The following DMD variants were observed in gnomAD, a reference collection of about 807,000 sequenced individuals.
DMD encodes mutant dystrophin.
Under a neutral mutation model 330.1 loss-of-function variants are expected in DMD, and 63 were observed. That is an observed-to-expected ratio of 0.19 (90% CI 0.16 to 0.24). The LOEUF is 0.24. Ranked by LOEUF, DMD falls within the 10% of genes least tolerant of loss-of-function variation. The pLI is 1.00. For missense variants in DMD, 3,344 were observed against 2,684.1 expected, an observed-to-expected ratio of 1.25 and a Z score of -5.43; for synonymous variants, 1,223 against 959.8, an observed-to-expected ratio of 1.27 and a Z score of -5.07.
At chrX:32,953,454 T>A (rs58160249) in intron 2 of DMD, among the ~76,000 whole-genome samples, 7,533 of 111,937 alleles carry the variant, frequency 0.067, 392 homozygotes, top group African/African-American at 0.18. Flanking sequence ...AAAAAAATGA[T>A]AAATATTAAA....
At chrX:32,199,574 A>C (rs1358860854) in intron 44 of DMD, among the ~76,000 whole-genome samples, 1 of 76,844 alleles carries the variant, frequency 1.3e-5, no homozygotes, top group Non-Finnish European at 2.7e-5. Flanking sequence ...GTGAAGGAGG[A>C]GGGGTGTGAG....
At chrX:32,884,881 C>A (rs1347524915) in intron 2 of DMD, among the ~76,000 whole-genome samples, 1 of 111,874 alleles carries the variant, frequency 8.9e-6, no homozygotes, top group African/African-American at 3.2e-5. Context: ...AACTTTATCT[C>A]CAGCTTAATG....
intron 44 of DMD, among the ~76,000 whole-genome samples, chrX:32,090,574 C>T (rs1383084090): frequency 9.0e-6 from 1 of 111,548 alleles, no homozygotes; most frequent in Non-Finnish European, 1.9e-5. Flanking sequence ...AAAGACATCT[C>T]ATTCCTTGCT....
chrX:31,838,063 T>C (rs1028112090), intron 48 of DMD, among the ~76,000 whole-genome samples: 1 of 111,782 alleles, frequency 8.9e-6, no homozygotes, highest in African/African-American at 3.3e-5. Context: ...GAAAACACAT[T>C]GTTCCCTGAA....
intron 17 of DMD, among the ~76,000 whole-genome samples, chrX:32,518,875 G>T (rs2046130680): frequency 9.1e-6 from 1 of 110,063 alleles, no homozygotes; most frequent in African/African-American, 3.3e-5. Flanking sequence ...TACCCAAAGG[G>T]CACTGCCTAC....
At chrX:31,548,065 G>A (rs2074253309) in intron 55 of DMD, among the ~76,000 whole-genome samples, 1 of 111,798 alleles carries the variant, frequency 8.9e-6, no homozygotes, top group Non-Finnish European at 1.9e-5. Context: ...AGAAGTTCAG[G>A]GATTTTTGCA....
intron 59 of DMD, among the ~76,000 whole-genome samples, chrX:31,465,616 T>C (rs907417917): frequency 1.8e-5 from 2 of 111,805 alleles, no homozygotes; most frequent in Non-Finnish European, 3.8e-5. Context: ...TGATGAGCAT[T>C]TGGGTTGGTT....
chrX:32,452,999 T>C (rs1366388501), intron 26 of DMD, among the ~76,000 whole-genome samples: 1 of 111,040 alleles, frequency 9.0e-6, no homozygotes, highest in Admixed American at 9.6e-5. Flanking sequence ...CTTTTCCTTA[T>C]GATTCAGTTC....
chrX:31,400,226 G>A (rs953417520), intron 60 of DMD, among the ~76,000 whole-genome samples: 5 of 111,487 alleles, frequency 4.5e-5, no homozygotes, highest in African/African-American at 1.6e-4. Flanking sequence ...TCATCCCTCT[G>A]CTCACTGAGA....
chrX:32,577,002 T>A (rs1741427773), intron 13 of DMD, among the ~76,000 whole-genome samples: 2 of 111,720 alleles, frequency 1.8e-5, no homozygotes, highest in African/African-American at 6.5e-5. Context: ...GGCTCAATTG[T>A]GTCCCATGAA....
intron 44 of DMD, among the ~76,000 whole-genome samples, chrX:32,011,075 C>T (rs2095704589): frequency 8.9e-6 from 1 of 112,411 alleles, no homozygotes; most frequent in Admixed American, 9.4e-5. Flanking sequence ...ATCCGTTACA[C>T]TAATCCACAC....
At chrX:31,438,711 G>A (rs2064719525) in intron 60 of DMD, among the ~76,000 whole-genome samples, 1 of 111,024 alleles carries the variant, frequency 9.0e-6, no homozygotes, top group African/African-American at 3.3e-5. Context: ...AAGAGCAGAT[G>A]GCTAGGCTCT....
intron 11 of DMD, among the ~76,000 whole-genome samples, chrX:32,642,338 C>A (rs967481298): frequency 5.3e-5 from 6 of 112,329 alleles, no homozygotes; most frequent in Non-Finnish European, 7.5e-5. Context: ...AAAAGCTATA[C>A]CAGCTAGAAG....
chrX:32,600,623 C>CACAA (rs1179272303), intron 12 of DMD, among the ~76,000 whole-genome samples: 2 of 105,754 alleles, frequency 1.9e-5, no homozygotes, highest in South Asian at 4.2e-4. Context: ...CACACACACA[C>CACAA]AAAACACACC....
chrX:32,611,286 G>T (rs944501527), intron 12 of DMD, among the ~76,000 whole-genome samples: 3 of 110,442 alleles, frequency 2.7e-5, no homozygotes, highest in Non-Finnish European at 3.8e-5. Flanking sequence ...AAAAGTAGGA[G>T]TTGGCCTTAC....
chrX:33,070,030 C>G (rs954977698), intron 1 of DMD, among the ~76,000 whole-genome samples: 2 of 110,933 alleles, frequency 1.8e-5, no homozygotes, highest in Admixed American at 9.7e-5. Flanking sequence ...ATAATTACAT[C>G]AACAAAAATG....
intron 61 of DMD, among the ~76,000 whole-genome samples, chrX:31,340,006 ATG>A (rs773015238): frequency 8.9e-6 from 1 of 112,633 alleles, no homozygotes; most frequent in Non-Finnish European, 1.9e-5. Context: ...CAATTATTAG[ATG>A]TGCTTAAAGG....
chrX:31,484,558 C>A (rs1382227906), intron 57 of DMD, among the ~76,000 whole-genome samples: 1 of 111,619 alleles, frequency 9.0e-6, no homozygotes, highest in Middle Eastern at 4.2e-3. Context: ...CGTAGAGCAC[C>A]TCTATGAAAA....
At chrX:31,195,541 A>C (rs1450221780) in intron 67 of DMD, among the ~76,000 whole-genome samples, 1 of 111,533 alleles carries the variant, frequency 9.0e-6, no homozygotes, top group Non-Finnish European at 1.9e-5. Flanking sequence ...CAAGATATAA[A>C]GTTAGCTCTT....
Sources: gnomAD v4.1 joint callset for allele counts (sites outside exome capture counted in the v4.1 genomes callset) on GRCh38, gnomAD v4.1.1 for gene constraint, MANE v1.5 for transcripts, NCBI Gene and HGNC (gene_info 2026-07-23, HGNC 2026-07-21) for gene names.